Variants in MED13L observed in about 807,000 individuals in gnomAD.
MED13L encodes mediator complex subunit 13L.
A neutral mutation model predicts 220.9 loss-of-function variants in MED13L; 7 were observed. The observed-to-expected ratio is 0.03, with a 90% confidence interval of 0.02 to 0.06. MED13L has a LOEUF of 0.06. MED13L is among the 10% of genes least tolerant of loss of function. The pLI is 1.00. For synonymous variants in MED13L, 1,011 were observed against 1,015.2 expected (o/e 1.00, Z 0.08); for missense variants, 1,965 against 2,760.5 (o/e 0.71, Z 6.46).
intron 4 of MED13L, among the ~76,000 whole-genome samples, chr12:116,085,790 G>A (rs1266413240): frequency 8.0e-6 from 1 of 125,664 alleles, no homozygotes; most frequent in Non-Finnish European, 1.7e-5. Flanking sequence ...ACACACACAC[G>A]ACATTAAGAA....
chr12:116,169,961 G>A (rs1430061399), intron 2 of MED13L, among the ~76,000 whole-genome samples: 1 of 152,152 alleles, frequency 6.6e-6, no homozygotes, highest in African/African-American at 2.4e-5. Context: ...AAGCTGCGGT[G>A]GGCTACGATC....
Position 116,096,354 on chromosome 12 carries a change from C to CAAAAAAA in MED13L, c.479+308_479+314dup, listed in dbSNP as rs537207957. Among the ~76,000 whole-genome samples the CAAAAAAA allele has an allele frequency of 7.9e-3, 185 of 23,550 alleles. 24 individuals are homozygous for CAAAAAAA. The highest frequency in any genetic ancestry group is 0.019 in the South Asian group (7 of 368). 15.4% of individuals were successfully genotyped at this position (23,550 alleles called of 152,430 possible). On this transcript the variant is annotated intron_variant, in intron 4 of 30. Coordinates refer to ENST00000281928, the MANE Select transcript of MED13L (RefSeq NM_015335.5). The stretch of plus-strand genomic sequence containing the variant: ...TGGGTGACAGAGTGAGACACAGCCT[C>CAAAAAAA]AAAAAAAAAAAAAAAAAAAAAAAAA...
Position 115,966,121 on chromosome 12 carries a change from C to G in MED13L, c.6348G>C (p.Ser2116=), listed in dbSNP as rs769874135. The change falls in exon 29 of 31, where the codon TCG becomes TCC. Residue 2116 remains serine, a synonymous_variant. Transcript: ENST00000281928. ...GGCACTGGTTTTGAGCCTGGGGACA[C>G]GATGACCAAAACCACTGGGGAAGAT... The part of the protein sequence containing the change: ...AENLPQWFWS[S]CPQAQNQCPL... 1 of 1,614,164 alleles carries G rather than the reference C, an allele frequency of 6.2e-7. No homozygotes were observed. Among genetic ancestry groups the G allele is most frequent in the Admixed American group, 1.7e-5 (1 of 60,022 alleles).
chr12:116,273,172 C>A (rs1873528458), intron 1 of MED13L, among the ~76,000 whole-genome samples: 1 of 152,048 alleles, frequency 6.6e-6, no homozygotes, highest in African/African-American at 2.4e-5. Context: ...GGCGTGGTGG[C>A]ACATGCCTGT....
At chr12:116,200,396 CACTT>C (rs750872134) in intron 2 of MED13L, among the ~76,000 whole-genome samples, 1 of 152,130 alleles carries the variant, frequency 6.6e-6, no homozygotes, top group East Asian at 1.9e-4. Context: ...TAAATTTTCA[CACTT>C]ACTAGTGAAA....
intron 2 of MED13L, among the ~76,000 whole-genome samples, chr12:116,135,770 T>C (rs1184069675): frequency 6.6e-6 from 1 of 152,224 alleles, no homozygotes; most frequent in East Asian, 1.9e-4. Flanking sequence ...GAAGAAACTT[T>C]AGTATAAGTC....
At chr12:116,099,434 C>G (rs1014288126) in intron 3 of MED13L, among the ~76,000 whole-genome samples, 2 of 152,148 alleles carry the variant, frequency 1.3e-5, no homozygotes, top group Non-Finnish European at 2.9e-5. Flanking sequence ...ACGTCAAACA[C>G]TGAACAGTCT....
intron 2 of MED13L, among the ~76,000 whole-genome samples, chr12:116,182,123 G>A (rs898058943): frequency 3.9e-5 from 6 of 151,978 alleles, no homozygotes; most frequent in Non-Finnish European, 8.8e-5. Flanking sequence ...TCACTCCTGT[G>A]CACATGCCCC....
Position 115,983,148 on chromosome 12 carries a change from A to T in MED13L, c.4924T>A (p.Ser1642Thr). 1 of 1,614,022 alleles carries T rather than the reference A, an allele frequency of 6.2e-7. No individual in the cohort carries two copies. Among genetic ancestry groups the T allele is most frequent in the Non-Finnish European group, 8.5e-7 (1 of 1,179,942 alleles). The change falls in exon 21 of 31, where the codon TCT becomes ACT. Residue 1642 changes from serine (S) to threonine (T), a missense_variant. Transcript: ENST00000281928. ...TGTCCATCCTGTGAGGGCTGAGAAGAGCTCTGCCCAGGGTCAGTGTCTCCA... is the reference window on the plus strand; with the variant it reads ...TGTCCATCCTGTGAGGGCTGAGAAGTGCTCTGCCCAGGGTCAGTGTCTCCA... ...CGGDTDPGQSSSQPSQDGQES... is the reference protein window; with the variant it reads ...CGGDTDPGQSTSQPSQDGQES...
At chr12:115,994,748 T>C (rs1314126552) in intron 16 of MED13L, among the ~76,000 whole-genome samples, 1 of 152,176 alleles carries the variant, frequency 6.6e-6, no homozygotes, top group Admixed American at 6.5e-5. Flanking sequence ...GCCAAGGTGT[T>C]CTAGGTGTGT....
At chr12:116,183,812 G>GTGTA (rs1880695924) in intron 2 of MED13L, among the ~76,000 whole-genome samples, 1 of 85,308 alleles carries the variant, frequency 1.2e-5, no homozygotes, top group Non-Finnish European at 2.3e-5. Context: ...TGGTGTGTGT[G>GTGTA]TGTGTGTATG....
At chr12:116,111,349 T>C in intron 3 of MED13L, 79 bp downstream of exon 3, 1 of 1,175,986 alleles carries the variant, frequency 8.5e-7, no homozygotes, top group South Asian at 1.2e-5. Flanking sequence ...GAAAAGTTTT[T>C]GAAAATTACA....
intron 4 of MED13L, among the ~76,000 whole-genome samples, chr12:116,093,203 A>G (rs994827303): frequency 1.3e-5 from 2 of 152,144 alleles, no homozygotes; most frequent in African/African-American, 4.8e-5. Context: ...TTTCAAGTTC[A>G]ACCTAGACCT....
chr12:115,982,441 G>A lies in MED13L; in HGVS notation c.5118C>T (p.Cys1706=). The A allele has an allele frequency of 1.2e-6, 2 of 1,614,122 alleles. No individual in the cohort carries two copies. The highest frequency in any genetic ancestry group is 1.7e-6 in the Non-Finnish European group (2 of 1,180,004). ...GNFWLLSLMR[C]YTEMLDNLPE... is the part of the protein sequence containing the mutation. ...GTAAATTATCCAGCATTTCTGTGTA[G>A]CAGCGCATCAAGCTCAACAGCCAAA... The change falls in exon 22 of 31, where the codon TGC becomes TGT. Residue 1706 remains cysteine, a synonymous_variant. Coordinates refer to ENST00000281928, the MANE Select transcript of MED13L (RefSeq NM_015335.5).
At chr12:115,970,453 T>G in intron 27 of MED13L, 141 bp downstream of exon 27, 1 of 796,652 alleles carries the variant, frequency 1.3e-6, no homozygotes, top group South Asian at 1.7e-5. Flanking sequence ...ACCAAATAGA[T>G]TCTCAAACCT....
At chr12:116,217,164 A>G (rs1883048405) in intron 2 of MED13L, among the ~76,000 whole-genome samples, 1 of 152,216 alleles carries the variant, frequency 6.6e-6, no homozygotes, top group Admixed American at 6.5e-5. Flanking sequence ...CAGGAAAGAC[A>G]GGCAGCATGA....
chr12:115,975,013 A>G (rs1876837347), intron 25 of MED13L, among the ~76,000 whole-genome samples, 158 bp downstream of exon 25: 1 of 152,230 alleles, frequency 6.6e-6, no homozygotes, highest in Non-Finnish European at 1.5e-5. Context: ...GCCAAAGAAG[A>G]GTTTAAAACT....
chr12:116,180,454 A>G (rs1880440780), intron 2 of MED13L, among the ~76,000 whole-genome samples: 1 of 152,240 alleles, frequency 6.6e-6, no homozygotes, highest in Admixed American at 6.5e-5. Context: ...TGAAACATAA[A>G]TAAATTTCAT....
rs751741298 is a variant in MED13L, at chr12:116,237,565, T to G, written c.213A>C (p.Val71=). The G allele has an allele frequency of 3.7e-6, 6 of 1,614,186 alleles. No individual in the cohort carries two copies. The highest frequency in any genetic ancestry group is 4.2e-6 in the Non-Finnish European group (5 of 1,180,042). Residue 71 remains valine (V), a synonymous_variant, in exon 2 of 31, where the codon GTA becomes GTC. Transcript: ENST00000281928. ...IRCLQANLLC[V]WRRDVKPDCK... ...AATCTGGTTTGACATCACGACGCCA[T>G]ACACAAAGCAGGTTAGCTTGCAGAC...
Sources: allele counts gnomAD v4.1 joint callset (sites outside exome capture counted in the v4.1 genomes callset), GRCh38; gene constraint gnomAD v4.1.1; transcripts MANE v1.5; gene names NCBI Gene and HGNC (gene_info 2026-07-23, HGNC 2026-07-21).